DISP1: variants seen among roughly 807,000 people sequenced by gnomAD.
The protein encoded by DISP1 is dispatched RND transporter family member 1.
DISP1 carries 30 observed loss-of-function variants against 37.3 expected under a neutral mutation model. The observed-to-expected ratio is 0.80, with a 90% CI of 0.60 to 1.09. The LOEUF (loss-of-function observed/expected upper bound fraction) is 1.09, where lower values mean the gene tolerates loss of function less well. DISP1 is among the 50% of genes least tolerant of loss of function. The pLI is 0.00. For synonymous variants in DISP1, 634 were observed against 690.2 expected (o/e 0.92, Z 1.28); for missense variants, 1,598 against 1,879.5 (o/e 0.85, Z 2.77).
At chr1:222,971,232 T>G (rs1284204796) in intron 3 of DISP1, among the ~76,000 whole-genome samples, 1 of 152,124 alleles carries the variant, frequency 6.6e-6, no homozygotes, top group Non-Finnish European at 1.5e-5. Context: ...TCAATTTCAC[T>G]GTATATTTTT....
intron 8 of DISP1, among the ~76,000 whole-genome samples, chr1:222,998,592 T>A (rs550092133): frequency 1.2e-4 from 18 of 152,266 alleles, no homozygotes; most frequent in Non-Finnish European, 2.4e-4. Flanking sequence ...GGAGCTTCAG[T>A]TGATTCCCCT....
intron 1 of DISP1, among the ~76,000 whole-genome samples, chr1:222,884,841 A>G (rs1670487812): frequency 1.3e-5 from 2 of 151,846 alleles, no homozygotes; most frequent in African/African-American, 4.8e-5. Context: ...ACTTTTTATT[A>G]TTTATTTATT....
chr1:222,962,172 C>T (rs1676113689), intron 3 of DISP1, among the ~76,000 whole-genome samples: 1 of 152,176 alleles, frequency 6.6e-6, no homozygotes, highest in Non-Finnish European at 1.5e-5. Context: ...CATGAATGAA[C>T]TTCCATTCAC....
chr1:222,840,462 T>C (rs908091756), intron 1 of DISP1, among the ~76,000 whole-genome samples: 1 of 151,934 alleles, frequency 6.6e-6, no homozygotes, highest in Admixed American at 6.6e-5. Flanking sequence ...GGCTGGTTCT[T>C]GAACTCCTGA....
At chr1:222,915,342 A>G (rs1394204254) in intron 1 of DISP1, among the ~76,000 whole-genome samples, 1 of 152,248 alleles carries the variant, frequency 6.6e-6, no homozygotes, top group South Asian at 2.1e-4. Flanking sequence ...AGCAGGGTGT[A>G]GATGTGTATT....
intron 1 of DISP1, among the ~76,000 whole-genome samples, chr1:222,905,888 CAA>C (rs150565478): frequency 0.18 from 27,429 of 152,108 alleles, 2,707 homozygotes; most frequent in Middle Eastern, 0.31. Context: ...AGGATTTACT[CAA>C]GAGTGCATAA....
intron 3 of DISP1, 91 bp from the exon 4 acceptor site, chr1:222,982,989 T>G: frequency 1.1e-6 from 1 of 948,150 alleles, no homozygotes; most frequent in Non-Finnish European, 1.6e-6. Context: ...ACAAGTAAAA[T>G]GTTCAACACA....
intron 1 of DISP1, among the ~76,000 whole-genome samples, chr1:222,834,100 A>G (rs1423589766): frequency 6.6e-6 from 1 of 152,154 alleles, no homozygotes; most frequent in Non-Finnish European, 1.5e-5. Context: ...GACTTTGTCT[A>G]TTTTGTACCA....
At chr1:222,835,305 A>T (rs1489354742) in intron 1 of DISP1, 1 of 152,210 alleles carries the variant, frequency 6.6e-6, no homozygotes, top group Non-Finnish European at 1.5e-5. Flanking sequence ...GTTCTCTTAC[A>T]CTAAATTTGA....
chr1:222,888,665 T>G (rs1008556888), intron 1 of DISP1, among the ~76,000 whole-genome samples: 1 of 152,156 alleles, frequency 6.6e-6, no homozygotes, highest in Admixed American at 6.5e-5. Context: ...AGAAAGTATT[T>G]AGAAAATTTT....
intron 4 of DISP1, among the ~76,000 whole-genome samples, chr1:222,984,403 CAAAAAAAAA>C (rs143486728): frequency 1.0e-4 from 3 of 29,998 alleles, no homozygotes; most frequent in Admixed American, 4.5e-4. Flanking sequence ...GACTCTGTCT[CAAAAAAAAA>C]AAAAAAAAAA....
chr1:222,850,108 T>C (rs935893358), intron 1 of DISP1, among the ~76,000 whole-genome samples: 1 of 152,192 alleles, frequency 6.6e-6, no homozygotes, highest in African/African-American at 2.4e-5. Flanking sequence ...ATAGGGTTTC[T>C]GTGAAATTTA....
Position 222,941,273 on chromosome 1 carries a change from A to G in DISP1, c.-17-1534A>G, listed in dbSNP as rs571709825. On this transcript the variant is annotated intron_variant, in intron 2 of 8. Coordinates refer to ENST00000675850, the MANE Select transcript of DISP1 (RefSeq NM_001377229.1). Reference sequence around the variant, plus strand: ...AATGTTTTACAGTGGATGTTTGTTTAACACTGGGAACATTGGAAAGTGATT... The same window carrying G: ...AATGTTTTACAGTGGATGTTTGTTTGACACTGGGAACATTGGAAAGTGATT... 5.1e-4 allele frequency among the ~76,000 whole-genome samples: 77 copies of G among 152,290 alleles called. 1 individual carries two copies. The South Asian group carries it at 0.016, about 31-fold the overall frequency.
chr1:222,974,824 C>T (rs1026962776), intron 3 of DISP1, among the ~76,000 whole-genome samples: 1 of 152,114 alleles, frequency 6.6e-6, no homozygotes, highest in African/African-American at 2.4e-5. Flanking sequence ...CATGGAAATA[C>T]TTAATATGAA....
chr1:222,820,787 G>A (rs919029527), intron 1 of DISP1, among the ~76,000 whole-genome samples: 1 of 152,122 alleles, frequency 6.6e-6, no homozygotes, highest in Non-Finnish European at 1.5e-5. Context: ...TGTACATAAT[G>A]TGCTTAGCAT....
chr1:222,854,254 G>A (rs1013260685), intron 1 of DISP1, among the ~76,000 whole-genome samples: 1 of 152,218 alleles, frequency 6.6e-6, no homozygotes, highest in Non-Finnish European at 1.5e-5. Flanking sequence ...AACTGCCCAA[G>A]ACTGGGTAAT....
rs369552735 is a variant in DISP1 at position 222,822,454 on chromosome 1, AAG to A, written c.-159+7379_-159+7380del. The stretch of plus-strand genomic sequence containing the variant: ...ATGTATTTCTACATTTATAAGCAGA[AAG>A]AGTTTAGCAAAGCTTGACAGAGGCT... On this transcript the variant is annotated intron_variant, in intron 1 of 8. Transcript: ENST00000675850. 4.4e-3 allele frequency among the ~76,000 whole-genome samples: 673 copies of A among 152,314 alleles called. 5 individuals are homozygous for A. The highest frequency in any genetic ancestry group is 0.015 in the African/African-American group (632 of 41,564).
intron 4 of DISP1, chr1:222,989,259 A>G (rs1678510294): frequency 2.1e-6 from 1 of 465,994 alleles, no homozygotes; most frequent in South Asian, 8.8e-5. Flanking sequence ...TGAGCCAGAA[A>G]TAGCCATTGC....
chr1:222,958,754 A>C (rs1290147106), intron 3 of DISP1, among the ~76,000 whole-genome samples: 1 of 152,198 alleles, frequency 6.6e-6, no homozygotes, highest in Non-Finnish European at 1.5e-5. Flanking sequence ...TATATTATAG[A>C]ATATGCTTAA....
Sources: gnomAD v4.1 joint callset for allele counts (sites outside exome capture counted in the v4.1 genomes callset) on GRCh38, gnomAD v4.1.1 for gene constraint, MANE v1.5 for transcripts, NCBI Gene and HGNC (gene_info 2026-07-23, HGNC 2026-07-21) for gene names.